SDK1: variants seen among roughly 807,000 people sequenced by gnomAD.
SDK1 encodes sidekick cell adhesion molecule 1, also known as protein sidekick-1.
Under a neutral mutation model 245.5 loss-of-function variants are expected in SDK1, and 157 were observed. The observed-to-expected ratio is 0.64, with a 90% CI of 0.56 to 0.73. The LOEUF (loss-of-function observed/expected upper bound fraction) is 0.73, where lower values mean the gene tolerates loss of function less well. SDK1 is among the 30% of genes least tolerant of loss of function. The pLI, the probability that SDK1 is intolerant of heterozygous loss-of-function variation, is 0.00. For missense variants in SDK1, 3,583 were observed against 3,002.3 expected (o/e 1.19, Z -4.52); for synonymous variants, 1,647 against 1,278.5 (o/e 1.29, Z -6.15).
intron 4 of SDK1, among the ~76,000 whole-genome samples, chr7:3,783,848 A>G: frequency 6.6e-6 from 1 of 152,130 alleles, no homozygotes; most frequent in Non-Finnish European, 1.5e-5. Flanking sequence ...AATAGAAGAA[A>G]CAATTCTAAA....
chr7:3,783,935 T>G (rs996227587), intron 4 of SDK1, among the ~76,000 whole-genome samples: 1 of 150,936 alleles, frequency 6.6e-6, no homozygotes, highest in Non-Finnish European at 1.5e-5. Context: ...GGCATCACAC[T>G]ACCTGGTTTC....
rs1779259881 is a variant in SDK1 at position 3,301,619 on chromosome 7, T to C, written c.33T>C (p.Gly11=). 2.1e-6 allele frequency: 2 copies of C among 968,298 alleles called. No homozygotes were observed. The highest frequency in any genetic ancestry group is 1.3e-4 in the East Asian group (1 of 7,898). The allele number at this position is 968,298 out of a possible 1,614,324, so 60.0% of individuals were successfully genotyped here. The part of the protein sequence containing the change: MARGARPSAA[G]GGGGGAEPPE... ...GGGGCGCCCGGCCCTCGGCGGCCGG[T>C]GGCGGCGGCGGCGGCGCGGAGCCCC... Residue 11 remains glycine, a synonymous_variant, in exon 1 of 45, where the codon GGT becomes GGC. Transcript: ENST00000404826.
chr7:3,833,536 T>TTA (rs1266029305), intron 5 of SDK1, among the ~76,000 whole-genome samples: 1 of 151,986 alleles, frequency 6.6e-6, no homozygotes, highest in Admixed American at 6.5e-5. Flanking sequence ...TATATCAGAT[T>TTA]TATATATATC....
chr7:3,516,177 A>C (rs936861849), intron 1 of SDK1, among the ~76,000 whole-genome samples: 1 of 151,392 alleles, frequency 6.6e-6, no homozygotes, highest in African/African-American at 2.4e-5. Flanking sequence ...ACATATATAC[A>C]TGCACATACA....
At chr7:3,766,362 C>A (rs1391413756) in intron 4 of SDK1, among the ~76,000 whole-genome samples, 1 of 152,110 alleles carries the variant, frequency 6.6e-6, no homozygotes, top group Non-Finnish European at 1.5e-5. Context: ...TTATTTTTCA[C>A]TTCGGGGAAA....
intron 4 of SDK1, among the ~76,000 whole-genome samples, chr7:3,673,593 C>T (rs542207441): frequency 6.6e-6 from 1 of 152,222 alleles, no homozygotes; most frequent in African/African-American, 2.4e-5. Context: ...TTGGTATAGA[C>T]TTACCCCTTT....
chr7:3,852,881 G>T lies in SDK1; in HGVS notation c.847+31298G>T, dbSNP rs1407222996. On this transcript the variant is annotated intron_variant, in intron 5 of 44. Transcript: ENST00000404826. Reference sequence around the variant, plus strand: ...AATTCCATGTACTTTTGCCATAATAGTCACCCACCCCCAGAGTTTTTCTGA... The same window carrying T: ...AATTCCATGTACTTTTGCCATAATATTCACCCACCCCCAGAGTTTTTCTGA... Among the ~76,000 whole-genome samples the T allele has an allele frequency of 8.7e-5, 13 of 149,642 alleles. No individual in the cohort carries two copies. The Admixed American group carries it at 8.7e-4, about 10-fold the overall frequency.
intron 35 of SDK1, among the ~76,000 whole-genome samples, chr7:4,197,704 C>T (rs954531476): frequency 6.6e-6 from 1 of 152,190 alleles, no homozygotes; most frequent in South Asian, 2.1e-4. Flanking sequence ...TCTCCACCCT[C>T]GTTTGCTCCT....
intron 1 of SDK1, among the ~76,000 whole-genome samples, chr7:3,535,407 GCTCTTATCCCTAATGC>G (rs1583136171): frequency 6.6e-6 from 1 of 152,084 alleles, no homozygotes; most frequent in African/African-American, 2.4e-5. Context: ...AAAGTTTATA[GCTCTTATCCCTAATGC>G]CAACAACATC....
chr7:3,561,042 A>C (rs139284171), intron 1 of SDK1, among the ~76,000 whole-genome samples: 29 of 152,106 alleles, frequency 1.9e-4, no homozygotes, highest in African/African-American at 7.0e-4. Flanking sequence ...TATATGTTTT[A>C]TGTGGTGAGG....
chr7:4,155,389 T>C (rs1007130196), intron 30 of SDK1, among the ~76,000 whole-genome samples: 4 of 152,216 alleles, frequency 2.6e-5, no homozygotes, highest in African/African-American at 9.7e-5. Flanking sequence ...CCAGGCTGAT[T>C]TGTCCAGCCA....
intron 1 of SDK1, among the ~76,000 whole-genome samples, chr7:3,498,847 T>C (rs1007488258): frequency 1.3e-5 from 2 of 152,118 alleles, no homozygotes; most frequent in Non-Finnish European, 1.5e-5. Flanking sequence ...TGAAGTCTCT[T>C]TTTTGGGCTC....
At chr7:3,432,121 A>AT (rs201463446) in intron 1 of SDK1, among the ~76,000 whole-genome samples, 4,272 of 103,562 alleles carry the variant, frequency 0.041, 90 homozygotes, top group Admixed American at 0.085. Context: ...GTAAAAAAAA[A>AT]AAAATATATA....
At chr7:3,724,000 G>A (rs1421774645) in intron 4 of SDK1, among the ~76,000 whole-genome samples, 1 of 150,038 alleles carries the variant, frequency 6.7e-6, no homozygotes, top group Admixed American at 6.6e-5. Flanking sequence ...AGTCTCACCT[G>A]TTGCCTAGGC....
In SDK1 at chr7:4,103,374, C is replaced by A. The variant is rs963722276; in HGVS notation, c.3325-7289C>A. Reference sequence around the variant, plus strand: ...TACATCAGCACATTGTTAGTGAGCACCCAGTTGCTTCTAGAACATTCTTTC... The same window carrying A: ...TACATCAGCACATTGTTAGTGAGCAACCAGTTGCTTCTAGAACATTCTTTC... On this transcript the variant is annotated intron_variant, in intron 22 of 44. Coordinates refer to ENST00000404826, the MANE Select transcript of SDK1 (RefSeq NM_152744.4). Among the ~76,000 whole-genome samples, 91 of 152,200 alleles carry A rather than the reference C, an allele frequency of 6.0e-4. 1 individual carries two copies. The highest frequency in any genetic ancestry group is 1.5e-4 in the Non-Finnish European group (10 of 68,032).
chr7:3,504,180 A>ATGTGTGTGTGTGTGTGTG (rs1338465819), intron 1 of SDK1, among the ~76,000 whole-genome samples: 9,460 of 88,288 alleles, frequency 0.11, 443 homozygotes, highest in Non-Finnish European at 0.14. Flanking sequence ...ATATATATAT[A>ATGTGTGTGTGTGTGTGTG]TATGTGTGTG....
At position 3,904,673 on chromosome 7, in the gene SDK1, G is replaced by C. The variant is rs568748676; in HGVS notation, c.848-46250G>C. Among the ~76,000 whole-genome samples, 7 of 152,128 alleles carry C rather than the reference G, an allele frequency of 4.6e-5. No homozygotes were observed. The South Asian group carries it at 1.2e-3, about 27-fold the overall frequency. ...AACACCACTTCACTCCAGCCTGAGA[G>C]ACAGAGTGAAACCATGTATCTAAAA... On this transcript the variant is annotated intron_variant, in intron 5 of 44. Transcript: ENST00000404826.
At chr7:4,181,014 G>C (rs1562399607) in intron 35 of SDK1, among the ~76,000 whole-genome samples, 1 of 152,200 alleles carries the variant, frequency 6.6e-6, no homozygotes, top group Non-Finnish European at 1.5e-5. Flanking sequence ...GCGGCATTCA[G>C]GATGGTGAGC....
chr7:3,393,306 G>A (rs1007229196), intron 1 of SDK1, among the ~76,000 whole-genome samples: 6 of 152,104 alleles, frequency 3.9e-5, no homozygotes, highest in African/African-American at 9.6e-5. Flanking sequence ...ATACCCAGGA[G>A]TGAAGTTGTT....
Sources: gnomAD v4.1 joint callset for allele counts (sites outside exome capture counted in the v4.1 genomes callset) on GRCh38, gnomAD v4.1.1 for gene constraint, MANE v1.5 for transcripts, NCBI Gene and HGNC (gene_info 2026-07-23, HGNC 2026-07-21) for gene names.